Variants in SYNDIG1 observed in about 807,000 individuals in gnomAD.
The protein encoded by SYNDIG1 is synapse differentiation inducing 1, also known as synapse differentiation-inducing gene protein 1.
Under a neutral mutation model 19.4 loss-of-function variants are expected in SYNDIG1, and 9 were observed. The observed-to-expected ratio is 0.46, with a 90% CI of 0.28 to 0.81. The LOEUF (loss-of-function observed/expected upper bound fraction) is 0.81. Among genes scored for constraint, SYNDIG1 ranks in the 30% least tolerant of loss-of-function variants. The probability of loss-of-function intolerance (pLI) is 0.12; values close to 1 mark genes in which losing one functional copy is unlikely to be tolerated. For synonymous variants in SYNDIG1, 141 were observed against 145.9 expected (o/e 0.97, Z 0.24); for missense variants, 311 against 343.3 (o/e 0.91, Z 0.74).
chr20:24,555,746 AGGTGT>A (rs1183872587), intron 2 of SYNDIG1, among the ~76,000 whole-genome samples: 6 of 152,228 alleles, frequency 3.9e-5, no homozygotes, highest in African/African-American at 1.4e-4. Flanking sequence ...ATTTTGGAAT[AGGTGT>A]GGTGTGGTGC....
At chr20:24,617,993 G>A in intron 3 of SYNDIG1, among the ~76,000 whole-genome samples, 1 of 143,750 alleles carries the variant, frequency 7.0e-6, no homozygotes, top group Non-Finnish European at 1.5e-5. Context: ...GGAGAGCGGG[G>A]AGAGCCTGGG....
intron 1 of SYNDIG1, among the ~76,000 whole-genome samples, chr20:24,540,073 T>C (rs1267981398): frequency 1.3e-5 from 2 of 152,216 alleles, no homozygotes; most frequent in Non-Finnish European, 2.9e-5. Flanking sequence ...TGACCCACCA[T>C]GCCCTGCCTC....
In SYNDIG1 at chr20:24,564,947, G is replaced by A. The variant is rs6132745; in HGVS notation, c.481-19909G>A. ...CATTGTGCCCCATGTACCAGACCCC[G>A]GAAGAACACGAGACTGTGTTAATGA... is the stretch of plus-strand genomic sequence containing the variant. On this transcript the variant is annotated intron_variant, in intron 2 of 3. Coordinates refer to ENST00000376862, the MANE Select transcript of SYNDIG1 (RefSeq NM_024893.3). Among the ~76,000 whole-genome samples the A allele has an allele frequency of 2.5e-3, 387 of 152,248 alleles. 2 individuals are homozygous for A. The highest frequency in any genetic ancestry group is 0.024 in the East Asian group (124 of 5,184).
chr20:24,487,209 A>G (rs1023839289), intron 1 of SYNDIG1, among the ~76,000 whole-genome samples: 24 of 152,206 alleles, frequency 1.6e-4, no homozygotes, highest in African/African-American at 4.3e-4. Context: ...AACTTATACA[A>G]CCTGGATTTT....
At chr20:24,526,843 A>C (rs1435460054) in intron 1 of SYNDIG1, among the ~76,000 whole-genome samples, 1 of 152,202 alleles carries the variant, frequency 6.6e-6, no homozygotes, top group Non-Finnish European at 1.5e-5. Flanking sequence ...AATATCTCTC[A>C]ATATATTGAA....
chr20:24,548,616 C>T (rs2057639405), intron 2 of SYNDIG1, among the ~76,000 whole-genome samples: 1 of 152,196 alleles, frequency 6.6e-6, no homozygotes, highest in African/African-American at 2.4e-5. Context: ...TAATAAACAG[C>T]ATTTTGAAAA....
intron 2 of SYNDIG1, among the ~76,000 whole-genome samples, chr20:24,571,496 C>G (rs963364455): frequency 2.0e-5 from 3 of 152,046 alleles, no homozygotes; most frequent in Non-Finnish European, 2.9e-5. Context: ...TACACACACA[C>G]AATATTTCAA....
chr20:24,476,965 G>T (rs1347974785), intron 1 of SYNDIG1, among the ~76,000 whole-genome samples: 1 of 152,210 alleles, frequency 6.6e-6, no homozygotes, highest in Non-Finnish European at 1.5e-5. Context: ...TGTTCTGGGT[G>T]TAGGTGTATT....
intron 2 of SYNDIG1, among the ~76,000 whole-genome samples, chr20:24,581,870 C>T (rs370449840): frequency 6.7e-6 from 1 of 150,174 alleles, no homozygotes; most frequent in Non-Finnish European, 1.5e-5. Flanking sequence ...GGTCCTCACC[C>T]CTGCAAGTCC....
intron 3 of SYNDIG1, among the ~76,000 whole-genome samples, chr20:24,633,896 C>A (rs1357372592): frequency 6.6e-6 from 1 of 152,176 alleles, no homozygotes; most frequent in Non-Finnish European, 1.5e-5. Flanking sequence ...CCGCACCAGC[C>A]GCTCTCACCT....
intron 1 of SYNDIG1, among the ~76,000 whole-genome samples, chr20:24,541,638 G>T (rs1255196990): frequency 6.6e-6 from 1 of 152,182 alleles, no homozygotes. Context: ...GGTTGATGCA[G>T]CCCAGAAAGT....
At chr20:24,646,869 C>G (rs1458112703) in intron 3 of SYNDIG1, among the ~76,000 whole-genome samples, 2 of 152,192 alleles carry the variant, frequency 1.3e-5, no homozygotes, top group East Asian at 1.9e-4. Flanking sequence ...GATCCACCCA[C>G]CTCAGCCTCC....
At chr20:24,555,224 T>C (rs1486083131) in intron 2 of SYNDIG1, among the ~76,000 whole-genome samples, 2 of 152,230 alleles carry the variant, frequency 1.3e-5, no homozygotes, top group Non-Finnish European at 2.9e-5. Flanking sequence ...GCTAGCAGTC[T>C]ATCAATTTTG....
chr20:24,504,100 C>T (rs2056526197), intron 1 of SYNDIG1, among the ~76,000 whole-genome samples: 1 of 152,052 alleles, frequency 6.6e-6, no homozygotes, highest in Non-Finnish European at 1.5e-5. Context: ...GCTGGGACTA[C>T]AGGCACCTGC....
intron 2 of SYNDIG1, among the ~76,000 whole-genome samples, chr20:24,576,155 TC>T (rs1378645446): frequency 9.2e-5 from 14 of 152,214 alleles, no homozygotes; most frequent in Non-Finnish European, 8.8e-5. Flanking sequence ...GGGCATGTTT[TC>T]CCCATTTTCA....
At chr20:24,487,130 G>T (rs1300812041) in intron 1 of SYNDIG1, among the ~76,000 whole-genome samples, 1 of 152,142 alleles carries the variant, frequency 6.6e-6, no homozygotes, top group Non-Finnish European at 1.5e-5. Flanking sequence ...GGAAGAAATG[G>T]CTTCAGCTGG....
intron 1 of SYNDIG1, among the ~76,000 whole-genome samples, chr20:24,474,657 G>A (rs1382257112): frequency 6.6e-6 from 1 of 152,166 alleles, no homozygotes; most frequent in African/African-American, 2.4e-5. Context: ...ATACTGGGGT[G>A]GCATTTAGAG....
At chr20:24,655,125 A>C (rs1351992417) in intron 3 of SYNDIG1, among the ~76,000 whole-genome samples, 1 of 152,230 alleles carries the variant, frequency 6.6e-6, no homozygotes, top group Non-Finnish European at 1.5e-5. Context: ...GTGAGGCATC[A>C]AAGAGCAATC....
At chr20:24,565,527 G>A (rs536246818) in intron 2 of SYNDIG1, among the ~76,000 whole-genome samples, 6 of 152,148 alleles carry the variant, frequency 3.9e-5, no homozygotes, top group Admixed American at 6.5e-5. Flanking sequence ...CCCAGGCTGG[G>A]TGATGTTTGG....
Sources: gnomAD v4.1 joint callset for allele counts (sites outside exome capture counted in the v4.1 genomes callset) on GRCh38, gnomAD v4.1.1 for gene constraint, MANE v1.5 for transcripts, NCBI Gene and HGNC (gene_info 2026-07-23, HGNC 2026-07-21) for gene names.